The following LDLRAD4 variants were observed in gnomAD, a reference collection of about 807,000 sequenced individuals.
LDLRAD4 encodes low-density lipoprotein receptor class A domain-containing protein 4.
Under a neutral mutation model 17.0 loss-of-function variants are expected in LDLRAD4, and 5 were observed. The ratio of observed to expected loss-of-function variants is 0.29; its 90% CI spans 0.15 to 0.62. The LOEUF (loss-of-function observed/expected upper bound fraction) is 0.62. LDLRAD4 is among the 20% of genes least tolerant of loss of function. The probability of loss-of-function intolerance (pLI) is 0.84; values close to 1 mark genes in which losing one functional copy is unlikely to be tolerated. For missense variants in LDLRAD4, 340 were observed against 424.7 expected (o/e 0.80, Z 1.75); for synonymous variants, 168 against 171.8 (o/e 0.98, Z 0.17).
At chr18:13,323,582 C>A (rs2081365346) in intron 1 of LDLRAD4, among the ~76,000 whole-genome samples, 1 of 152,156 alleles carries the variant, frequency 6.6e-6, no homozygotes, top group Non-Finnish European at 1.5e-5. Context: ...AAACAAAACA[C>A]CCCTCAGTAA....
upstream of LDLRAD4, among the ~76,000 whole-genome samples, chr18:13,276,907 C>G (rs1480385924): frequency 6.6e-6 from 1 of 152,196 alleles, no homozygotes; most frequent in Non-Finnish European, 1.5e-5. Context: ...TCATGGACTT[C>G]CGTTCCCAAG....
intron 1 of LDLRAD4, among the ~76,000 whole-genome samples, chr18:13,304,966 T>C (rs2046824122): frequency 6.6e-6 from 1 of 152,192 alleles, no homozygotes; most frequent in African/African-American, 2.4e-5. Context: ...CTTAGTTGAC[T>C]CTTGTACAAC....
intron 1 of LDLRAD4, among the ~76,000 whole-genome samples, chr18:13,233,143 C>T (rs1280518092): frequency 1.3e-5 from 2 of 152,248 alleles, no homozygotes; most frequent in African/African-American, 4.8e-5. Flanking sequence ...TCTTTGCAGG[C>T]GCCTGTCCTG....
At chr18:13,267,044 A>G (rs1277694794) in intron 1 of LDLRAD4, among the ~76,000 whole-genome samples, 1 of 152,222 alleles carries the variant, frequency 6.6e-6, no homozygotes, top group Non-Finnish European at 1.5e-5. Flanking sequence ...GTGGCAAGGG[A>G]GAGGTTTGTG....
chr18:13,565,562 T>G (rs1317678858), intron 3 of LDLRAD4, among the ~76,000 whole-genome samples: 1 of 152,246 alleles, frequency 6.6e-6, no homozygotes, highest in East Asian at 1.9e-4. Context: ...GTCCTGGCGC[T>G]TGTCTTGGGC....
At chr18:13,496,482 C>G (rs968191240) in intron 3 of LDLRAD4, among the ~76,000 whole-genome samples, 1 of 152,140 alleles carries the variant, frequency 6.6e-6, no homozygotes, top group African/African-American at 2.4e-5. Flanking sequence ...TTCATCTGAC[C>G]TAAATCTTTC....
chr18:13,632,808 G>A (rs1275239225), intron 4 of LDLRAD4, among the ~76,000 whole-genome samples: 2 of 152,260 alleles, frequency 1.3e-5, no homozygotes, highest in Non-Finnish European at 2.9e-5. Flanking sequence ...AAGCTTCATT[G>A]AGCAACAGAA....
intron 1 of LDLRAD4, among the ~76,000 whole-genome samples, chr18:13,232,865 C>G (rs564793300): frequency 6.6e-6 from 1 of 152,162 alleles, no homozygotes; most frequent in Admixed American, 6.5e-5. Flanking sequence ...GCTCCGGACC[C>G]GAAGCTGGCA....
chr18:13,229,480 G>A (rs1193556566), intron 1 of LDLRAD4, among the ~76,000 whole-genome samples: 4 of 152,190 alleles, frequency 2.6e-5, no homozygotes, highest in African/African-American at 4.8e-5. Flanking sequence ...GTGTGTACTC[G>A]TGAGACATCT....
intron 3 of LDLRAD4, among the ~76,000 whole-genome samples, chr18:13,459,159 C>CAAAAAAAAAAAAAAA (rs534798084): frequency 1.9e-5 from 1 of 53,736 alleles, no homozygotes; most frequent in African/African-American, 6.0e-5. Context: ...ATCTCTACAC[C>CAAAAAAAAAAAAAAA]AAAAAAAAAA....
chr18:13,400,074 C>T (rs1432495457), intron 2 of LDLRAD4, among the ~76,000 whole-genome samples: 3 of 152,190 alleles, frequency 2.0e-5, no homozygotes, highest in South Asian at 2.1e-4. Flanking sequence ...GAGAGCCAGT[C>T]GGCGTTAGCG....
chr18:13,414,029 G>A (rs1001895885), intron 2 of LDLRAD4, among the ~76,000 whole-genome samples: 1 of 152,148 alleles, frequency 6.6e-6, no homozygotes, highest in Non-Finnish European at 1.5e-5. Context: ...TTGCTCTGGT[G>A]GTGTGCTGGA....
intron 1 of LDLRAD4, among the ~76,000 whole-genome samples, chr18:13,226,414 G>C (rs1344094552): frequency 6.6e-6 from 1 of 151,928 alleles, no homozygotes; most frequent in East Asian, 1.9e-4. Flanking sequence ...ATTGCCAGAT[G>C]GGGCTTTCAG....
At chr18:13,415,579 C>G (rs551591978) in intron 2 of LDLRAD4, among the ~76,000 whole-genome samples, 3 of 152,278 alleles carry the variant, frequency 2.0e-5, no homozygotes, top group Admixed American at 6.5e-5. Flanking sequence ...CTCTTGTTTC[C>G]AAGAGTTTCA....
At chr18:13,567,507 A>T (rs1248730159) in intron 3 of LDLRAD4, among the ~76,000 whole-genome samples, 1 of 152,160 alleles carries the variant, frequency 6.6e-6, no homozygotes, top group African/African-American at 2.4e-5. Flanking sequence ...CAGCTGCCTA[A>T]GTAAAATTAA....
At chr18:13,636,286 C>T (rs137931427) in intron 4 of LDLRAD4, among the ~76,000 whole-genome samples, 111 of 151,992 alleles carry the variant, frequency 7.3e-4, no homozygotes, top group African/African-American at 2.4e-3. Context: ...AAGGTCGGCC[C>T]CTCCGTATGA....
At chr18:13,475,087 G>A (rs993726934) in intron 3 of LDLRAD4, among the ~76,000 whole-genome samples, 5 of 152,316 alleles carry the variant, frequency 3.3e-5, no homozygotes, top group Middle Eastern at 3.4e-3. Context: ...CAGTGTTGAC[G>A]TGACTCCAGA....
chr18:13,598,695 C>T (rs1210605604), intron 3 of LDLRAD4, among the ~76,000 whole-genome samples: 1 of 152,230 alleles, frequency 6.6e-6, no homozygotes, highest in Non-Finnish European at 1.5e-5. Flanking sequence ...ACTTGAGCTT[C>T]CTCACATACT....
intron 1 of LDLRAD4, among the ~76,000 whole-genome samples, chr18:13,378,316 G>T (rs567544543): frequency 3.9e-4 from 60 of 152,280 alleles, no homozygotes; most frequent in African/African-American, 1.3e-3. Context: ...TTCACAGGCT[G>T]CCTCGCCCGG....
Sources: allele counts gnomAD v4.1 joint callset (sites outside exome capture counted in the v4.1 genomes callset), GRCh38; gene constraint gnomAD v4.1.1; transcripts MANE v1.5; gene names NCBI Gene and HGNC (gene_info 2026-07-23, HGNC 2026-07-21).